The following SRRT variants were observed in gnomAD, a reference collection of about 807,000 sequenced individuals.
SRRT encodes serrate, RNA effector molecule.
A neutral mutation model predicts 103.2 loss-of-function variants in SRRT; 32 were observed. The ratio of observed to expected loss-of-function variants is 0.31; its 90% CI spans 0.23 to 0.42. The LOEUF (loss-of-function observed/expected upper bound fraction) is 0.42. SRRT is among the 10% of genes least tolerant of loss of function. The pLI, the probability that SRRT is intolerant of heterozygous loss-of-function variation, is 1.00. For missense variants in SRRT, 986 were observed against 1,207.5 expected (o/e 0.82, Z 2.72); for synonymous variants, 525 against 449.0 (o/e 1.17, Z -2.14).
chr7:100,888,177 AGT>A (rs1790358965), intron 18 of SRRT, 34 bp downstream of exon 18: 1 of 1,601,152 alleles, frequency 6.2e-7, no homozygotes. Flanking sequence ...GGGCTTGGTG[AGT>A]GTGTGGCTTT....
chr7:100,878,552 GA>G (rs1815971103), intron 2 of SRRT, among the ~76,000 whole-genome samples: 1 of 152,154 alleles, frequency 6.6e-6, no homozygotes, highest in African/African-American at 2.4e-5. Context: ...TAGCCTGTGA[GA>G]AACTACTTCC....
chr7:100,877,312 T>G (rs1442971715), intron 2 of SRRT, among the ~76,000 whole-genome samples: 1 of 149,434 alleles, frequency 6.7e-6, no homozygotes, highest in Non-Finnish European at 1.5e-5. Flanking sequence ...TCCCAGCTAC[T>G]TGGGAGGCTG....
rs753454247 is a variant in SRRT, at chr7:100,886,878, G to C, written c.1731G>C (p.Leu577=). ...EEVSAEEEEL[L]GSSGGAPPEE... ...TAAGCGCCGAGGAGGAGGAGCTGCTGGGGAGCAGCGGGGGCGCTCCTCCTG... is the reference window on the plus strand; with the variant it reads ...TAAGCGCCGAGGAGGAGGAGCTGCTCGGGAGCAGCGGGGGCGCTCCTCCTG... Residue 577 remains leucine (L), a synonymous_variant, in exon 14 of 20, where the codon CTG becomes CTC. Coordinates refer to ENST00000611405, the MANE Select transcript of SRRT (RefSeq NM_015908.6). 6.2e-7 allele frequency: 1 copy of C among 1,614,160 alleles called. No individual in the cohort carries two copies. The highest frequency in any genetic ancestry group is 2.2e-5 in the East Asian group (1 of 44,872).
intron 2 of SRRT, among the ~76,000 whole-genome samples, chr7:100,877,748 T>G (rs1464195084): frequency 6.6e-6 from 1 of 152,044 alleles, no homozygotes; most frequent in Non-Finnish European, 1.5e-5. Context: ...CTTGAACTCC[T>G]GACCTCACAT....
rs1464102567 is a variant in SRRT, at chr7:100,884,924, G to A, written c.1043G>A (p.Ser348Asn). ...TCCCCTCTGCTGTGGCTCACACAGA[G>A]TAGCAAGAAGCGGAACCGGAAGCAC... ...KEDSEKEAKK[S>N]SKKRNRKHSG... The change falls in exon 9 of 20, where the codon AGT (serine) becomes AAT (asparagine). Residue 348 changes from serine (S) to asparagine (N), a missense_variant and splice_region_variant. By Grantham distance (46) the Ser-to-Asn change is conservative. Around this residue, in one of 6 missense-constraint regions of SRRT, gnomAD observed 166 missense variants for 148.6 expected, o/e 1.12. Transcript: ENST00000611405. 4.3e-6 allele frequency: 7 copies of A among 1,613,962 alleles called. No homozygotes were observed. The highest frequency in any genetic ancestry group is 3.3e-5 in the South Asian group (3 of 91,078).
At chr7:100,884,648 A>G in intron 7 of SRRT, 92 bp from the exon 8 acceptor site, 4 of 1,249,330 alleles carry the variant, frequency 3.2e-6, no homozygotes, top group Non-Finnish European at 4.4e-6. Context: ...GCTGGGGAAA[A>G]TGAACCTGTG....
intron 2 of SRRT, among the ~76,000 whole-genome samples, chr7:100,879,491 A>T (rs937728903): frequency 6.6e-6 from 1 of 152,222 alleles, no homozygotes; most frequent in African/African-American, 2.4e-5. Context: ...GAGATTGGTG[A>T]CAATGTAAAA....
chr7:100,888,385 TGAG>T lies in SRRT; in HGVS notation c.2555+7_2555+9del, dbSNP rs780605374. 5.3e-5 allele frequency: 85 copies of T among 1,613,560 alleles called. No individual in the cohort carries two copies. Among genetic ancestry groups the T allele is most frequent in the Admixed American group, 1.8e-4 (11 of 59,970 alleles). Reference sequence around the variant, plus strand: ...TTATCCTGGGAAACCTCGCAACAGGTGAGGAGGGCAGACGCCCAAGCTTTGTTG... The same window carrying T: ...TTATCCTGGGAAACCTCGCAACAGGTGAGGGCAGACGCCCAAGCTTTGTTG... On this transcript the variant is annotated splice_donor_5th_base_variant and intron_variant, in intron 19 of 19. Transcript: ENST00000611405.
chr7:100,881,998 G>A, intron 4 of SRRT, 55 bp from the exon 5 acceptor site: 2 of 1,569,772 alleles, frequency 1.3e-6, no homozygotes, highest in Non-Finnish European at 1.7e-6. Context: ...TTTGGCCCCT[G>A]TAGCCTCCCA....
intron 2 of SRRT, among the ~76,000 whole-genome samples, chr7:100,879,646 T>C (rs1459026581): frequency 6.6e-6 from 1 of 152,134 alleles, no homozygotes; most frequent in Non-Finnish European, 1.5e-5. Context: ...TATCGATAGA[T>C]GTAACCCACA....
At chr7:100,883,939 C>T in intron 5 of SRRT, 131 bp from the exon 6 acceptor site, 1 of 1,012,078 alleles carries the variant, frequency 9.9e-7, no homozygotes, top group Non-Finnish European at 1.4e-6. Context: ...CCCTTAATCT[C>T]TCTATTTTGA....
At chr7:100,886,503 C>G (rs1157877948) in intron 13 of SRRT, 68 bp downstream of exon 13, 23 of 1,470,852 alleles carry the variant, frequency 1.6e-5, no homozygotes, top group Middle Eastern at 2.4e-4. Context: ...CACCTCTGAC[C>G]TTACCTATCT....
Position 100,887,342 on chromosome 7 carries a change from T to G in SRRT, c.1998T>G (p.Phe666Leu), listed in dbSNP as rs771057596. The G allele has an allele frequency of 6.2e-7, 1 of 1,614,128 alleles. No individual in the cohort carries two copies. The highest frequency in any genetic ancestry group is 8.5e-7 in the Non-Finnish European group (1 of 1,180,016). The change falls in exon 16 of 20, where the codon TTT becomes TTG. Residue 666 changes from phenylalanine (F) to leucine (L), a missense_variant. Coordinates refer to ENST00000611405, the MANE Select transcript of SRRT (RefSeq NM_015908.6). This position sits in a 1 kb window ranked among gnomAD's most constrained non-coding sequence, Gnocchi z 4.1. ...HGEVLEWQKT[F>L]EEKLTPLLSV... ...CAGTGCTGGAGTGGCAGAAGACTTTTGAGGAGAAGCTCACGCCGTTGCTGA... is the reference window on the plus strand; with the variant it reads ...CAGTGCTGGAGTGGCAGAAGACTTTGGAGGAGAAGCTCACGCCGTTGCTGA...
intron 13 of SRRT, 168 bp downstream of exon 13, chr7:100,886,603 G>T (rs1563023564): frequency 2.1e-6 from 2 of 951,496 alleles, no homozygotes; most frequent in Non-Finnish European, 1.6e-6. Flanking sequence ...AGCAGAACTG[G>T]GGGGATGCTA....
chr7:100,875,758 A>G (rs777335057), intron 2 of SRRT, 46 bp downstream of exon 2: 2 of 1,606,154 alleles, frequency 1.2e-6, no homozygotes, highest in Non-Finnish European at 1.7e-6. Context: ...ATGCCGTTTC[A>G]CTCCACCCGC....
Position 100,876,875 on chromosome 7 carries a change from T to A in SRRT, c.122+1163T>A, listed in dbSNP as rs1815762409. Among the ~76,000 whole-genome samples the A allele has an allele frequency of 2.6e-5, 4 of 151,962 alleles. No individual in the cohort carries two copies. The South Asian group carries it at 6.2e-4, about 24-fold the overall frequency. ...ACTTGGCTAGACTTGGAAAGATGAG[T>A]GGGAATTCCCCAGACACGAGTGACA... is the stretch of plus-strand genomic sequence containing the variant. On this transcript the variant is annotated intron_variant, in intron 2 of 19. Coordinates refer to ENST00000611405, the MANE Select transcript of SRRT (RefSeq NM_015908.6).
rs1790246620 is a variant in SRRT, at chr7:100,887,460, C to T, written c.2116C>T (p.Gln706Ter). 7 of 1,614,028 alleles carry T rather than the reference C, an allele frequency of 4.3e-6. No individual in the cohort carries two copies. Among genetic ancestry groups the T allele is most frequent in the Non-Finnish European group, 5.1e-6 (6 of 1,180,040 alleles). Reference sequence around the variant, plus strand: ...GGAGAAGTTCGTCACCTCCAACACGCAGGAACTGGGCAAGGATAAGTGGCT... The same window carrying T: ...GGAGAAGTTCGTCACCTCCAACACGTAGGAACTGGGCAAGGATAAGTGGCT... ...EVEKFVTSNTQELGKDKWLCP... is the reference protein window; with the variant it reads ...EVEKFVTSNT Residue 706 changes from glutamine to a stop codon, truncating the protein, a stop_gained, in exon 16 of 20, where the codon CAG (glutamine) becomes TAG (stop). Coordinates refer to ENST00000611405, the MANE Select transcript of SRRT (RefSeq NM_015908.6). LOFTEE classifies it high-confidence loss of function. The surrounding 1 kb of genome is among the most constrained non-coding windows in gnomAD (Gnocchi z 4.1).
intron 3 of SRRT, 39 bp from the exon 4 acceptor site, chr7:100,881,620 C>T: frequency 6.2e-7 from 1 of 1,612,816 alleles, no homozygotes; most frequent in East Asian, 2.2e-5. Flanking sequence ...GGGGAGGTGA[C>T]TCCCTTCTCT....
intron 3 of SRRT, 121 bp from the exon 4 acceptor site, chr7:100,881,538 A>T: frequency 1.3e-5 from 20 of 1,567,830 alleles, no homozygotes; most frequent in Non-Finnish European, 1.7e-5. Flanking sequence ...ACCCATCGTT[A>T]CTTTGTCCCT....
Sources: allele counts gnomAD v4.1 joint callset (sites outside exome capture counted in the v4.1 genomes callset), GRCh38; gene constraint gnomAD v4.1.1; regional missense constraint gnomAD v4.1.1; non-coding constraint Gnocchi (gnomAD v3.1); transcripts MANE v1.5; gene names NCBI Gene and HGNC (gene_info 2026-07-23, HGNC 2026-07-21).